The following BABAM2 variants were observed in gnomAD, a reference collection of about 807,000 sequenced individuals.
BABAM2 encodes the protein BRISC and BRCA1 A complex member 2.
A neutral mutation model predicts 54.7 loss-of-function variants in BABAM2; 31 were observed. That is an observed-to-expected ratio of 0.57 (90% CI 0.43 to 0.77). The LOEUF is 0.77. BABAM2 is among the 30% of genes least tolerant of loss of function. The pLI, the probability that BABAM2 is intolerant of heterozygous loss-of-function variation, is 0.00. For missense variants in BABAM2, 364 were observed against 455.8 expected (o/e 0.80, Z 1.83); for synonymous variants, 167 against 162.9 (o/e 1.03, Z -0.19).
intron 2 of BABAM2, among the ~76,000 whole-genome samples, chr2:27,926,903 C>CCTG (rs1191214633): frequency 3.9e-5 from 6 of 151,986 alleles, no homozygotes; most frequent in Non-Finnish European, 8.8e-5. Flanking sequence ...GGGTAATTAG[C>CCTG]ATATCCTCAT....
At chr2:28,126,713 C>G (rs1353460639) in intron 6 of BABAM2, among the ~76,000 whole-genome samples, 1 of 131,676 alleles carries the variant, frequency 7.6e-6, no homozygotes, top group Admixed American at 8.0e-5. Flanking sequence ...CCTGAGGAAT[C>G]GCCACACTGA....
rs151290278 is a variant in BABAM2, at chr2:28,208,641, T to G, written c.681-28561T>G. ...CCTCCCTCCCTTCCTCTTTCTTTCT[T>G]TCCTTTCTTTTCTTTCCTTTCTCTT... On this transcript the variant is annotated intron_variant, in intron 7 of 11. Coordinates refer to ENST00000379624, the MANE Select transcript of BABAM2 (RefSeq NM_199191.3). 2.6e-4 allele frequency among the ~76,000 whole-genome samples: 40 copies of G among 151,714 alleles called. No individual in the cohort carries two copies. In the East Asian group the frequency reaches 6.2e-3, roughly 24 times the overall value.
chr2:28,032,194 G>C (rs1474724935), intron 5 of BABAM2, among the ~76,000 whole-genome samples: 1 of 152,124 alleles, frequency 6.6e-6, no homozygotes. Flanking sequence ...TAGAGAGGAT[G>C]GTCTTTACTG....
At chr2:28,128,506 C>T (rs1242621748) in intron 6 of BABAM2, among the ~76,000 whole-genome samples, 4 of 152,220 alleles carry the variant, frequency 2.6e-5, no homozygotes, top group Non-Finnish European at 2.9e-5. Context: ...GACACTTCAT[C>T]AGTGTATCAT....
At chr2:28,046,757 G>A (rs970645740) in intron 6 of BABAM2, among the ~76,000 whole-genome samples, 1 of 150,340 alleles carries the variant, frequency 6.7e-6, no homozygotes, top group Admixed American at 6.6e-5. Flanking sequence ...CCATAGAAAA[G>A]GTTAGGGAAT....
chr2:28,292,591 C>T (rs1687375173), intron 10 of BABAM2, among the ~76,000 whole-genome samples: 1 of 152,112 alleles, frequency 6.6e-6, no homozygotes, highest in Non-Finnish European at 1.5e-5. Flanking sequence ...TGAATCCAGC[C>T]ACACAATGAT....
intron 6 of BABAM2, among the ~76,000 whole-genome samples, chr2:28,058,737 G>A (rs561290423): frequency 2.6e-5 from 4 of 152,184 alleles, no homozygotes; most frequent in Non-Finnish European, 5.9e-5. Context: ...CATTGAGAGC[G>A]TTTAGAAACA....
upstream of BABAM2, among the ~76,000 whole-genome samples, chr2:27,889,506 T>G (rs1573088469): frequency 6.6e-6 from 1 of 152,212 alleles, no homozygotes; most frequent in Non-Finnish European, 1.5e-5. Flanking sequence ...ACATTACTTT[T>G]GTAATCAGAA....
At chr2:27,990,413 TC>T (rs933249406) in intron 4 of BABAM2, among the ~76,000 whole-genome samples, 1 of 152,194 alleles carries the variant, frequency 6.6e-6, no homozygotes, top group African/African-American at 2.4e-5. Context: ...CAGACATTTT[TC>T]CCCTTCCTGT....
At chr2:28,226,052 A>G (rs568262206) in intron 7 of BABAM2, among the ~76,000 whole-genome samples, 1 of 152,324 alleles carries the variant, frequency 6.6e-6, no homozygotes, top group Non-Finnish European at 1.5e-5. Context: ...TGGTTAGAAA[A>G]ATATTTAAAT....
intron 6 of BABAM2, among the ~76,000 whole-genome samples, chr2:28,089,891 A>ATT (rs11441890): frequency 7.2e-5 from 11 of 151,770 alleles, no homozygotes; most frequent in East Asian, 3.9e-4. Context: ...ACTCTGTGGT[A>ATT]TTTTTTTTCT....
At chr2:28,319,219 GA>G (rs1172187645) in intron 11 of BABAM2, among the ~76,000 whole-genome samples, 1 of 152,214 alleles carries the variant, frequency 6.6e-6, no homozygotes, top group African/African-American at 2.4e-5. Context: ...CCAACACACA[GA>G]ACTGAATGGA....
At chr2:28,028,553 C>A (rs1426578695) in intron 5 of BABAM2, among the ~76,000 whole-genome samples, 1 of 152,120 alleles carries the variant, frequency 6.6e-6, no homozygotes, top group African/African-American at 2.4e-5. Flanking sequence ...GGGCAGGGAT[C>A]TTTGTTTTGT....
At chr2:28,061,425 A>T (rs1247738432) in intron 6 of BABAM2, among the ~76,000 whole-genome samples, 1 of 151,846 alleles carries the variant, frequency 6.6e-6, no homozygotes, top group Non-Finnish European at 1.5e-5. Flanking sequence ...CTCTACTAAA[A>T]ATACAAAAAA....
chr2:28,173,277 TG>T (rs1251439385), intron 7 of BABAM2, among the ~76,000 whole-genome samples: 1 of 152,198 alleles, frequency 6.6e-6, no homozygotes, highest in East Asian at 1.9e-4. Flanking sequence ...AATTTACTTT[TG>T]GCAAAAACTG....
intron 3 of BABAM2, among the ~76,000 whole-genome samples, chr2:27,968,060 A>G (rs1670950284): frequency 6.6e-6 from 1 of 152,152 alleles, no homozygotes; most frequent in South Asian, 2.1e-4. Context: ...GCAGAAATTT[A>G]CATAAGTAAT....
intron 7 of BABAM2, among the ~76,000 whole-genome samples, chr2:28,175,688 G>A (rs1436799847): frequency 6.6e-6 from 1 of 152,196 alleles, no homozygotes; most frequent in African/African-American, 2.4e-5. Flanking sequence ...TCCATGCTAT[G>A]CATGCTGCCT....
intron 6 of BABAM2, among the ~76,000 whole-genome samples, chr2:28,108,033 T>A (rs574833716): frequency 6.6e-6 from 1 of 152,152 alleles, no homozygotes; most frequent in African/African-American, 2.4e-5. Context: ...TTTATTTTAT[T>A]GGAGCATTAG....
intron 3 of BABAM2, among the ~76,000 whole-genome samples, chr2:27,981,817 A>G (rs1672022161): frequency 6.6e-6 from 1 of 152,282 alleles, no homozygotes; most frequent in Admixed American, 6.5e-5. Flanking sequence ...TGGTACAAAC[A>G]ATGTGCAAGT....
Sources: allele counts gnomAD v4.1 joint callset (sites outside exome capture counted in the v4.1 genomes callset), GRCh38; gene constraint gnomAD v4.1.1; transcripts MANE v1.5; gene names NCBI Gene and HGNC (gene_info 2026-07-23, HGNC 2026-07-21).